The following PTK7 variants were observed in gnomAD, a reference collection of about 807,000 sequenced individuals.
PTK7 encodes inactive tyrosine-protein kinase 7.
PTK7 carries 39 observed loss-of-function variants against 116.6 expected under a neutral mutation model. The observed-to-expected ratio is 0.33, with a 90% CI of 0.26 to 0.44. The LOEUF (loss-of-function observed/expected upper bound fraction) is 0.44. PTK7 is among the 20% of genes least tolerant of loss of function. The pLI is 1.00. For missense variants in PTK7, 1,169 were observed against 1,425.6 expected (o/e 0.82, Z 2.90); for synonymous variants, 546 against 563.6 (o/e 0.97, Z 0.44).
chr6:43,088,497 A>T (rs1279248273), intron 1 of PTK7, among the ~76,000 whole-genome samples: 7 of 151,998 alleles, frequency 4.6e-5, no homozygotes, highest in Non-Finnish European at 8.8e-5. Flanking sequence ...GTTCAAGACC[A>T]GCCTGACCAA....
chr6:43,117,285 T>C (rs1582127861), intron 1 of PTK7, among the ~76,000 whole-genome samples: 1 of 152,194 alleles, frequency 6.6e-6, no homozygotes, highest in African/African-American at 2.4e-5. Flanking sequence ...GTGCTGAGTA[T>C]GAACAACGAG....
chr6:43,091,345 T>A (rs1239134126), intron 1 of PTK7, among the ~76,000 whole-genome samples: 1 of 151,984 alleles, frequency 6.6e-6, no homozygotes, highest in African/African-American at 2.4e-5. Flanking sequence ...TATTTTTGTT[T>A]TAGTAGAAAT....
intron 1 of PTK7, among the ~76,000 whole-genome samples, chr6:43,096,657 C>T (rs376741830): frequency 3.3e-5 from 5 of 152,326 alleles, no homozygotes; most frequent in African/African-American, 7.2e-5. Context: ...TTGTGCTCTG[C>T]ACTTCCTGCC....
chr6:43,141,961 G>A lies in PTK7; in HGVS notation c.1799G>A (p.Arg600His), dbSNP rs762888862. 108 of 1,612,764 alleles carry A rather than the reference G, an allele frequency of 6.7e-5. No individual in the cohort carries two copies. The highest frequency in any genetic ancestry group is 8.2e-5 in the Non-Finnish European group (97 of 1,179,688). Residue 600 changes from arginine to histidine, a missense_variant, in exon 12 of 20, where the codon CGT becomes CAT. By Grantham distance (29) the Arg-to-His change is conservative. Coordinates refer to ENST00000230419, the MANE Select transcript of PTK7 (RefSeq NM_002821.5). The surrounding 1 kb of genome is among the most constrained non-coding windows in gnomAD (Gnocchi z 4.9). The part of the protein sequence containing the change: ...VFITFKVEPE[R>H]TTVYQGHTAL... The stretch of plus-strand genomic sequence containing the variant: ...ATCACCTTCAAAGTGGAACCAGAGC[G>A]TACGACTGTGTACCAGGGCCACACA...
chr6:43,083,602 A>T lies in PTK7; in HGVS notation c.79+7035A>T, dbSNP rs1022229610. ...TCCCTCCCAATAATGTTACACAGAC[A>T]GCAGTGGGGCAGGGAGGAAGCTTGG... On this transcript the variant is annotated intron_variant, in intron 1 of 19. Coordinates refer to ENST00000230419, the MANE Select transcript of PTK7 (RefSeq NM_002821.5). 3.9e-5 allele frequency among the ~76,000 whole-genome samples: 6 copies of T among 152,314 alleles called. No individual in the cohort carries two copies. The South Asian group carries it at 1.2e-3, about 32-fold the overall frequency.
intron 1 of PTK7, among the ~76,000 whole-genome samples, chr6:43,084,030 G>GC (rs955542906): frequency 9.9e-5 from 15 of 152,040 alleles, no homozygotes; most frequent in Non-Finnish European, 1.9e-4. Flanking sequence ...TGAGGGAGAG[G>GC]CCAGAAAATG....
At chr6:43,130,694 A>T (rs755533449) in intron 5 of PTK7, 33 bp downstream of exon 5, 23 of 1,610,048 alleles carry the variant, frequency 1.4e-5, no homozygotes, top group Non-Finnish European at 1.9e-5. Context: ...TTCCAGTACC[A>T]TGTACCACAC....
chr6:43,160,082 C>G lies in PTK7; in HGVS notation c.3052+116C>G, dbSNP rs141638247. On this transcript the variant is annotated intron_variant, in intron 19 of 19. Transcript: ENST00000230419. ...TCAGGGCTGCTACTGAGCAGGCACA[C>G]AGATACAACCACTCTGGTTGTTAAA... 9,386 of 1,050,172 alleles carry G rather than the reference C, an allele frequency of 8.9e-3. 57 individuals carry two copies. The highest frequency in any genetic ancestry group is 0.011 in the Non-Finnish European group (7,649 of 720,768). 65.1% of individuals were successfully genotyped at this position (1,050,172 alleles called of 1,614,324 possible). A position where few individuals can be genotyped will look rare whatever the true frequency, so the allele number is the denominator to read the frequency against.
chr6:43,157,364 A>ATTTTTTT lies in PTK7; in HGVS notation c.2722-1448_2722-1442dup, dbSNP rs1293389236. 8.5e-4 allele frequency among the ~76,000 whole-genome samples: 46 copies of ATTTTTTT among 54,302 alleles called. 3 individuals are homozygous for ATTTTTTT. Among genetic ancestry groups the ATTTTTTT allele is most frequent in the South Asian group, 1.6e-3 (2 of 1,254 alleles). The allele number at this position is 54,302 out of a possible 152,430, so 35.6% of individuals were successfully genotyped here. ...TATATATATATATATATATATATAT[A>ATTTTTTT]TTTTTTTTTTTCTTTTTTTTTTTTT... On this transcript the variant is annotated intron_variant, in intron 17 of 19. Coordinates refer to ENST00000230419, the MANE Select transcript of PTK7 (RefSeq NM_002821.5).
intron 1 of PTK7, among the ~76,000 whole-genome samples, chr6:43,094,925 G>A (rs1382492220): frequency 6.6e-6 from 1 of 151,740 alleles, no homozygotes; most frequent in Non-Finnish European, 1.5e-5. Context: ...GGCACCTGTA[G>A]TCCCAGCTAC....
chr6:43,130,095 C>A, intron 3 of PTK7, 135 bp from the exon 4 acceptor site: 3 of 966,614 alleles, frequency 3.1e-6, no homozygotes, highest in South Asian at 1.6e-5. Flanking sequence ...TGCCCTTTTG[C>A]AAGTCCCTTC....
chr6:43,115,338 A>G (rs1295497577), intron 1 of PTK7, among the ~76,000 whole-genome samples: 1 of 152,212 alleles, frequency 6.6e-6, no homozygotes, highest in Non-Finnish European at 1.5e-5. Flanking sequence ...TAGGAAGTTT[A>G]TATTTTAAGC....
rs937531050 is a variant in PTK7, at chr6:43,129,444, C to G, written c.367+180C>G. ...AGGAAATTAAAAGTTATATTTTTTCCAAAATTTTTTCCTTCAAGTCTGGGA... is the reference window on the plus strand; with the variant it reads ...AGGAAATTAAAAGTTATATTTTTTCGAAAATTTTTTCCTTCAAGTCTGGGA... On this transcript the variant is annotated intron_variant, in intron 2 of 19. Transcript: ENST00000230419. The surrounding 1 kb of genome is among the most constrained non-coding windows in gnomAD (Gnocchi z 4.5). The G allele has an allele frequency of 1.0e-6, 1 of 988,874 alleles. No individual in the cohort carries two copies. The highest frequency in any genetic ancestry group is 1.5e-6 in the Non-Finnish European group (1 of 687,774). 61.3% of individuals were successfully genotyped at this position (988,874 alleles called of 1,614,324 possible).
chr6:43,132,773 C>G (rs1197946713), intron 7 of PTK7, 86 bp downstream of exon 7: 4 of 1,525,132 alleles, frequency 2.6e-6, no homozygotes, highest in Non-Finnish European at 3.6e-6. Flanking sequence ...CTGGTACTCA[C>G]CTGAGGTCCT....
intron 1 of PTK7, among the ~76,000 whole-genome samples, chr6:43,126,234 C>T (rs1337999909): frequency 1.3e-5 from 2 of 152,068 alleles, no homozygotes. Flanking sequence ...GCATGAGAAT[C>T]GCTTAAATCC....
At chr6:43,097,872 T>C (rs1195011583) in intron 1 of PTK7, among the ~76,000 whole-genome samples, 3 of 152,218 alleles carry the variant, frequency 2.0e-5, no homozygotes, top group Non-Finnish European at 4.4e-5. Context: ...ATGTTCTTTT[T>C]GTTGCCTACA....
chr6:43,097,133 C>A (rs905732026), intron 1 of PTK7, among the ~76,000 whole-genome samples: 1 of 152,184 alleles, frequency 6.6e-6, no homozygotes, highest in African/African-American at 2.4e-5. Context: ...CCTCCTCCTG[C>A]GCGGTTGCTT....
chr6:43,098,746 T>G (rs916363767), intron 1 of PTK7, among the ~76,000 whole-genome samples: 1 of 147,800 alleles, frequency 6.8e-6, no homozygotes, highest in Non-Finnish European at 1.5e-5. Context: ...GTGAAGAAAC[T>G]AAATAAAATC....
intron 1 of PTK7, among the ~76,000 whole-genome samples, chr6:43,093,359 CAA>C (rs1177805621): frequency 4.0e-5 from 6 of 151,884 alleles, no homozygotes; most frequent in Non-Finnish European, 8.8e-5. Context: ...CCGGCTAATT[CAA>C]AGTCTCCATT....
Sources: allele counts gnomAD v4.1 joint callset (sites outside exome capture counted in the v4.1 genomes callset), GRCh38; gene constraint gnomAD v4.1.1; non-coding constraint Gnocchi (gnomAD v3.1); transcripts MANE v1.5; gene names NCBI Gene and HGNC (gene_info 2026-07-23, HGNC 2026-07-21).